SERGEF: variants seen among roughly 807,000 people sequenced by gnomAD.
SERGEF encodes the protein secretion regulating guanine nucleotide exchange factor, also known as secretion-regulating guanine nucleotide exchange factor.
In SERGEF, 51 loss-of-function variants were observed where a neutral mutation model predicts 50.0. The ratio of observed to expected loss-of-function variants is 1.02; its 90% confidence interval spans 0.81 to 1.29. SERGEF has a LOEUF of 1.29. SERGEF is among the 50% of genes most tolerant of loss of function. The pLI, the probability that SERGEF is intolerant of heterozygous loss-of-function variation, is 0.00. For synonymous variants in SERGEF, 205 were observed against 212.4 expected, an observed-to-expected ratio of 0.97 and a Z score of 0.30; for missense variants, 521 against 557.0, an observed-to-expected ratio of 0.94 and a Z score of 0.65.
chr11:18,007,787 T>C (rs1044143395), intron 2 of SERGEF, among the ~76,000 whole-genome samples, 154 bp downstream of exon 2: 13 of 152,196 alleles, frequency 8.5e-5, no homozygotes, highest in African/African-American at 3.1e-4. Context: ...TCTAGGATCT[T>C]CTGATGGTAA....
At chr11:17,962,574 T>C (rs905358930) in intron 8 of SERGEF, among the ~76,000 whole-genome samples, 2 of 152,100 alleles carry the variant, frequency 1.3e-5, no homozygotes, top group Admixed American at 6.5e-5. Flanking sequence ...ATGACAGAGA[T>C]GACAAAATAG....
intron 4 of SERGEF, 199 bp from the exon 5 acceptor site, chr11:18,000,756 TATC>T (rs1452085985): frequency 1.5e-6 from 1 of 684,590 alleles, no homozygotes; most frequent in African/African-American, 1.8e-5. Flanking sequence ...TAAAATACCA[TATC>T]ACAATACCAT....
chr11:18,011,549 G>A (rs1264136525), intron 1 of SERGEF, among the ~76,000 whole-genome samples: 3 of 152,190 alleles, frequency 2.0e-5, no homozygotes, highest in African/African-American at 7.2e-5. Context: ...TTAAGCCTCT[G>A]TTGTGTGGTA....
chr11:17,790,052 ATAATT>A (rs909435539), intron 10 of SERGEF, among the ~76,000 whole-genome samples: 6 of 152,154 alleles, frequency 3.9e-5, no homozygotes, highest in African/African-American at 1.2e-4. Flanking sequence ...AGAACAGAAA[ATAATT>A]TAATAGAAAG....
intron 9 of SERGEF, among the ~76,000 whole-genome samples, chr11:17,903,022 T>A (rs572568935): frequency 4.0e-4 from 61 of 152,368 alleles, no homozygotes; most frequent in South Asian, 2.3e-3. Context: ...CTCGGAAGGA[T>A]AAAATCTGCC....
intron 9 of SERGEF, among the ~76,000 whole-genome samples, chr11:17,886,330 C>G (rs1268905738): frequency 6.6e-6 from 1 of 152,158 alleles, no homozygotes; most frequent in East Asian, 1.9e-4. Flanking sequence ...GTTCTTCAAG[C>G]TGGACACGGT....
intron 10 of SERGEF, among the ~76,000 whole-genome samples, chr11:17,862,843 T>G (rs888086050): frequency 6.6e-6 from 1 of 152,180 alleles, no homozygotes. Flanking sequence ...CAATGTCACA[T>G]GTGGTTGTCC....
At chr11:17,840,247 T>A (rs1590148097) in intron 10 of SERGEF, among the ~76,000 whole-genome samples, 1 of 152,248 alleles carries the variant, frequency 6.6e-6, no homozygotes, top group African/African-American at 2.4e-5. Flanking sequence ...CTACAGGATA[T>A]TTTAAAGGAT....
intron 10 of SERGEF, among the ~76,000 whole-genome samples, chr11:17,813,032 G>C (rs11024409): frequency 0.075 from 11,450 of 152,164 alleles, 616 homozygotes; most frequent in South Asian, 0.18. Flanking sequence ...GGACATCACC[G>C]TATTCAGAAG....
intron 6 of SERGEF, among the ~76,000 whole-genome samples, chr11:17,994,583 G>A (rs1327477306): frequency 2.0e-5 from 3 of 151,690 alleles, no homozygotes; most frequent in Non-Finnish European, 4.4e-5. Flanking sequence ...ACAGAGAAAT[G>A]AGAAGGCAGG....
At chr11:17,989,661 C>G (rs973456150) in intron 7 of SERGEF, among the ~76,000 whole-genome samples, 4 of 152,228 alleles carry the variant, frequency 2.6e-5, no homozygotes, top group Admixed American at 1.3e-4. Flanking sequence ...CTCAGCTTTT[C>G]CAACCCTTAT....
At chr11:17,951,652 G>A (rs182321444) in intron 9 of SERGEF, among the ~76,000 whole-genome samples, 21 of 152,244 alleles carry the variant, frequency 1.4e-4, no homozygotes, top group Non-Finnish European at 2.5e-4. Context: ...CAGAGCCCAG[G>A]GTCACACCCT....
At chr11:17,971,499 GAAC>G (rs1853248376) in intron 8 of SERGEF, among the ~76,000 whole-genome samples, 1 of 152,198 alleles carries the variant, frequency 6.6e-6, no homozygotes, top group African/African-American at 2.4e-5. Context: ...TCCAGAAATG[GAAC>G]AACAGAGCCT....
intron 10 of SERGEF, among the ~76,000 whole-genome samples, chr11:17,806,218 A>G (rs1464838510): frequency 1.3e-5 from 2 of 152,212 alleles, no homozygotes; most frequent in Non-Finnish European, 2.9e-5. Context: ...GTCAACAAAC[A>G]TTCCTCTAAT....
chr11:17,788,487 A>T, intron 10 of SERGEF, 74 bp from the exon 11 acceptor site: 1 of 1,291,986 alleles, frequency 7.7e-7, no homozygotes, highest in Non-Finnish European at 1.1e-6. Flanking sequence ...CTGAGGGTAC[A>T]GGTATCATCA....
chr11:17,827,092 C>G (rs949094673), intron 10 of SERGEF, among the ~76,000 whole-genome samples: 4 of 152,168 alleles, frequency 2.6e-5, no homozygotes, highest in Non-Finnish European at 4.4e-5. Context: ...TTTTATTATT[C>G]TGAATTGGGA....
intron 8 of SERGEF, among the ~76,000 whole-genome samples, chr11:17,970,185 G>A (rs911166771): frequency 1.9e-4 from 29 of 152,092 alleles, no homozygotes; most frequent in Admixed American, 1.8e-3. Context: ...GTCTATTGGC[G>A]CCATTTTTCG....
chr11:17,937,734 A>T (rs1302433239), intron 9 of SERGEF, among the ~76,000 whole-genome samples: 2 of 152,148 alleles, frequency 1.3e-5, no homozygotes, highest in Non-Finnish European at 2.9e-5. Context: ...AAAAAACAAT[A>T]TAAAGATGAA....
chr11:17,959,631 CA>C lies in SERGEF; in HGVS notation c.849del (p.Gly284AlafsTer14), dbSNP rs774389108. On this transcript the variant is annotated frameshift_variant, in exon 9 of 11. Transcript: ENST00000265965. LOFTEE classifies it high-confidence loss of function. ...GWTHLVAQTE[T>X]GKMFTWGRAD... ...GCTCGGCCCCAGGTAAACATCTTGC[CA>C]GTTTCTAAAAACAAATATTATTTGA... 2 of 1,609,742 alleles carry C rather than the reference CA, an allele frequency of 1.2e-6. No individual in the cohort carries two copies. Among genetic ancestry groups the C allele is most frequent in the African/African-American group, 2.7e-5 (2 of 74,582 alleles).
Sources: gnomAD v4.1 joint callset for allele counts (sites outside exome capture counted in the v4.1 genomes callset) on GRCh38, gnomAD v4.1.1 for gene constraint, MANE v1.5 for transcripts, NCBI Gene and HGNC (gene_info 2026-07-23, HGNC 2026-07-21) for gene names.